Variants in SPECC1L observed in about 807,000 individuals in gnomAD.
SPECC1L encodes the protein sperm antigen with calponin homology and coiled-coil domains 1 like.
Under a neutral mutation model 116.8 loss-of-function variants are expected in SPECC1L, and 40 were observed. The ratio of observed to expected loss-of-function variants is 0.34; its 90% CI spans 0.27 to 0.45. The LOEUF (loss-of-function observed/expected upper bound fraction) is 0.45, where lower values mean the gene tolerates loss of function less well. Among genes scored for constraint, SPECC1L ranks in the 20% least tolerant of loss-of-function variants. The probability of loss-of-function intolerance (pLI) is 1.00; values close to 1 mark genes in which losing one functional copy is unlikely to be tolerated. For missense variants in SPECC1L, 1,110 were observed against 1,373.6 expected (o/e 0.81, Z 3.03); for synonymous variants, 504 against 500.6 (o/e 1.01, Z -0.09).
chr22:24,385,255 T>G (rs1405800206), intron 14 of SPECC1L, among the ~76,000 whole-genome samples: 1 of 151,950 alleles, frequency 6.6e-6, no homozygotes, highest in Admixed American at 6.6e-5. Context: ...AAGGGGCTAA[T>G]AGAAGATAAG....
At chr22:24,407,520 G>GT (rs2042614971) in intron 14 of SPECC1L, among the ~76,000 whole-genome samples, 1 of 152,208 alleles carries the variant, frequency 6.6e-6, no homozygotes, top group Non-Finnish European at 1.5e-5. Flanking sequence ...AGCTGCCTGC[G>GT]TTTCAGGGAG....
chr22:24,307,906 A>C (rs534515579), intron 3 of SPECC1L, among the ~76,000 whole-genome samples: 1 of 152,168 alleles, frequency 6.6e-6, no homozygotes, highest in South Asian at 2.1e-4. Context: ...GTCTGGAAAT[A>C]ATCATGTAAA....
At chr22:24,391,554 A>G (rs1419270196) in intron 14 of SPECC1L, among the ~76,000 whole-genome samples, 1 of 152,214 alleles carries the variant, frequency 6.6e-6, no homozygotes, top group Non-Finnish European at 1.5e-5. Flanking sequence ...CCTTGTATAC[A>G]GCACCAGTCC....
intron 2 of SPECC1L, among the ~76,000 whole-genome samples, chr22:24,299,315 T>C (rs1041011647): frequency 6.6e-6 from 1 of 152,158 alleles, no homozygotes; most frequent in Non-Finnish European, 1.5e-5. Context: ...TTCACACTTG[T>C]AATCCCAGCT....
chr22:24,363,545 A>G (rs941279514), intron 12 of SPECC1L, among the ~76,000 whole-genome samples: 9 of 152,048 alleles, frequency 5.9e-5, no homozygotes, highest in Non-Finnish European at 8.8e-5. Flanking sequence ...CTTTAAATCA[A>G]TTGGAAGTCC....
intron 11 of SPECC1L, among the ~76,000 whole-genome samples, chr22:24,355,871 TAC>T (rs2041523155): frequency 6.6e-6 from 1 of 151,788 alleles, no homozygotes; most frequent in Non-Finnish European, 1.5e-5. Context: ...CTATCTGGTA[TAC>T]AGTTTTGTGG....
chr22:24,375,044 A>G (rs916927114), intron 14 of SPECC1L, among the ~76,000 whole-genome samples: 2 of 152,168 alleles, frequency 1.3e-5, no homozygotes, highest in African/African-American at 2.4e-5. Context: ...AAAATGGAAT[A>G]CTGTGAACAA....
chr22:24,375,966 C>CA (rs1223397123), intron 14 of SPECC1L, among the ~76,000 whole-genome samples: 2 of 150,574 alleles, frequency 1.3e-5, no homozygotes, highest in African/African-American at 4.9e-5. Flanking sequence ...AACAAACAAA[C>CA]AAACAAAAAA....
At chr22:24,336,770 A>G (rs1467321243) in intron 9 of SPECC1L, among the ~76,000 whole-genome samples, 1 of 152,142 alleles carries the variant, frequency 6.6e-6, no homozygotes, top group Non-Finnish European at 1.5e-5. Flanking sequence ...CAGCAATTCT[A>G]CTCCTAATTA....
chr22:24,355,821 G>A (rs1303989644), intron 11 of SPECC1L, among the ~76,000 whole-genome samples: 3 of 144,526 alleles, frequency 2.1e-5, no homozygotes, highest in Non-Finnish European at 3.0e-5. Flanking sequence ...CCCTCCCCCC[G>A]TTCTGTTTTT....
At chr22:24,413,017 A>C (rs1473896986) in intron 16 of SPECC1L, among the ~76,000 whole-genome samples, 1 of 152,186 alleles carries the variant, frequency 6.6e-6, no homozygotes, top group African/African-American at 2.4e-5. Flanking sequence ...CATCTCTTCC[A>C]TAAGGGAGTC....
chr22:24,325,741 G>A (rs1255025695), intron 6 of SPECC1L, among the ~76,000 whole-genome samples: 1 of 152,076 alleles, frequency 6.6e-6, no homozygotes. Context: ...AGTCTAAGAT[G>A]ACCAGGTAGC....
intron 1 of SPECC1L, among the ~76,000 whole-genome samples, chr22:24,271,573 G>A (rs1221810399): frequency 5.3e-5 from 8 of 152,368 alleles, no homozygotes; most frequent in Middle Eastern, 6.8e-3. Context: ...ACCTGTCTGA[G>A]GAAATTTTGC....
chr22:24,374,201 A>G (rs1441774342), intron 14 of SPECC1L, among the ~76,000 whole-genome samples: 53 of 152,022 alleles, frequency 3.5e-4, no homozygotes, highest in African/African-American at 1.1e-3. Flanking sequence ...AACCATTGTG[A>G]AAGTCAGTGT....
chr22:24,414,777 A>G lies in SPECC1L; in HGVS notation c.*154A>G, dbSNP rs1048370665. On this transcript the variant is annotated 3_prime_UTR_variant, in exon 17 of 17. Coordinates refer to ENST00000314328, the MANE Select transcript of SPECC1L (RefSeq NM_015330.6). ...TCCAGCTCGGGGCTTCCGTATTGGA[A>G]GAACTCAGCCGTGTGGCCCACAGCT... 2.1e-5 allele frequency: 14 copies of G among 681,582 alleles called. No homozygotes were observed. The highest frequency in any genetic ancestry group is 1.9e-4 in the African/African-American group (11 of 56,668). 42.2% of individuals were successfully genotyped at this position (681,582 alleles called of 1,614,324 possible).
rs1371069882 is a variant in SPECC1L, at chr22:24,270,972, C to G, written c.-153C>G. ...ACCAGGAGATTGCGAGGGAGCGATG[C>G]GGTGCAGCGCGGTAAGAGCAGCAGC... On this transcript the variant is annotated 5_prime_UTR_variant, in exon 1 of 17. Coordinates refer to ENST00000314328, the MANE Select transcript of SPECC1L (RefSeq NM_015330.6). 6.6e-6 allele frequency: 1 copy of G among 152,246 alleles called. No homozygotes were observed. Among genetic ancestry groups the G allele is most frequent in the Non-Finnish European group, 1.5e-5 (1 of 68,054 alleles). The allele number at this position is 152,246 out of a possible 1,614,324, so 9.4% of individuals were successfully genotyped here.
In SPECC1L at chr22:24,303,844, GGTGTGTGTGTGTGTGT is replaced by G. The variant is rs3031935; in HGVS notation, c.153+1487_153+1502del. ...CTGCTGCATTAACAAGTTTAAATAG[GGTGTGTGTGTGTGTGT>G]GTGTGTGTGTGTGTGTGTGTGTGTG... On this transcript the variant is annotated intron_variant, in intron 3 of 16. Coordinates refer to ENST00000314328, the MANE Select transcript of SPECC1L (RefSeq NM_015330.6). 7.6e-3 allele frequency among the ~76,000 whole-genome samples: 1,102 copies of G among 144,092 alleles called. 5 individuals are homozygous for G. The highest frequency in any genetic ancestry group is 0.012 in the South Asian group (54 of 4,444). The allele number at this position is 144,092 out of a possible 152,430, so 94.5% of individuals were successfully genotyped here.
At position 24,321,444 on chromosome 22, in the gene SPECC1L, G is replaced by T. The variant is rs193920978; in HGVS notation, c.464G>T (p.Arg155Leu). 8 of 1,614,244 alleles carry T rather than the reference G, an allele frequency of 5.0e-6. No individual in the cohort carries two copies. Among genetic ancestry groups the T allele is most frequent in the Non-Finnish European group, 6.8e-6 (8 of 1,180,036 alleles). ...ANDMALAKRS[R>L]SRTATECDVR... ...GACATGGCATTGGCCAAACGTTCCCGCAGTCGAACTGCTACAGAATGTGAC... is the reference window on the plus strand; with the variant it reads ...GACATGGCATTGGCCAAACGTTCCCTCAGTCGAACTGCTACAGAATGTGAC... The change falls in exon 5 of 17, where the codon CGC becomes CTC. Residue 155 changes from arginine to leucine, a missense_variant. Transcript: ENST00000314328.
intron 3 of SPECC1L, among the ~76,000 whole-genome samples, chr22:24,306,310 CT>C (rs922993525): frequency 2.2e-4 from 33 of 148,392 alleles, no homozygotes; most frequent in African/African-American, 6.7e-4. Context: ...TTTTTCCAAA[CT>C]TTTTTTTTTA....
Sources: gnomAD v4.1 joint callset for allele counts (sites outside exome capture counted in the v4.1 genomes callset) on GRCh38, gnomAD v4.1.1 for gene constraint, MANE v1.5 for transcripts, NCBI Gene and HGNC (gene_info 2026-07-23, HGNC 2026-07-21) for gene names.